The following ADAM20 variants were observed in gnomAD, a reference collection of about 807,000 sequenced individuals.
The protein encoded by ADAM20 is disintegrin and metalloproteinase domain-containing protein 20.
For synonymous variants in ADAM20, 305 were observed against 310.2 expected (o/e 0.98, Z 0.18); for missense variants, 871 against 883.2 (o/e 0.99, Z 0.18).
chr14:70,563,631 T>A, the ADAM20 span, among the ~76,000 whole-genome samples: 3 of 152,184 alleles, frequency 2.0e-5, 1 homozygote, highest in African/African-American at 7.2e-5. Context: ...CAGGATTGGA[T>A]GTCTTATGGC....
At chr14:70,532,182 G>T (rs1018691985) in intron 1 of ADAM20, among the ~76,000 whole-genome samples, 1 of 151,878 alleles carries the variant, frequency 6.6e-6, no homozygotes, top group Non-Finnish European at 1.5e-5. Context: ...ACCCAGACAT[G>T]TATGAATAAA....
At chr14:70,575,854 A>C in the ADAM20 span, among the ~76,000 whole-genome samples, 1 of 152,232 alleles carries the variant, frequency 6.6e-6, no homozygotes, top group Non-Finnish European at 1.5e-5. Context: ...TGCATTTCAA[A>C]ATGAGCCTTA....
the ADAM20 span, among the ~76,000 whole-genome samples, chr14:70,554,408 C>G: frequency 2.6e-5 from 4 of 152,194 alleles, no homozygotes; most frequent in African/African-American, 4.8e-5. Context: ...GAACTGAAAT[C>G]AGGATCTCAA....
At chr14:70,571,461 C>T in the ADAM20 span, among the ~76,000 whole-genome samples, 1 of 152,190 alleles carries the variant, frequency 6.6e-6, no homozygotes, top group African/African-American at 2.4e-5. Flanking sequence ...TTCCCTTATG[C>T]CATGATTGTA....
At chr14:70,571,897 AAATAAGT>A in the ADAM20 span, among the ~76,000 whole-genome samples, 1 of 152,100 alleles carries the variant, frequency 6.6e-6, no homozygotes, top group Admixed American at 6.6e-5. Flanking sequence ...CACACACAAA[AAATAAGT>A]AGGAATATGT....
chr14:70,531,475 A>G (rs550872336), intron 1 of ADAM20, among the ~76,000 whole-genome samples: 200 of 152,262 alleles, frequency 1.3e-3, no homozygotes, highest in Middle Eastern at 3.4e-3. Context: ...CATTTTATCC[A>G]CTTCTATAAA....
chr14:70,576,908 C>G, the ADAM20 span, among the ~76,000 whole-genome samples: 482 of 152,262 alleles, frequency 3.2e-3, 14 homozygotes, highest in East Asian at 0.055. Flanking sequence ...GATTCACAAC[C>G]CAGTGAGACC....
the ADAM20 span, among the ~76,000 whole-genome samples, chr14:70,544,480 C>T: frequency 6.6e-6 from 1 of 152,050 alleles, no homozygotes; most frequent in African/African-American, 2.4e-5. Context: ...TAAAGCAGTG[C>T]TTACATGGAA....
chr14:70,534,340 C>T (rs894001500), intron 1 of ADAM20, among the ~76,000 whole-genome samples: 2 of 151,988 alleles, frequency 1.3e-5, no homozygotes, highest in Non-Finnish European at 2.9e-5. Flanking sequence ...ACCATATGAT[C>T]TAGTAATCCC....
At chr14:70,530,809 AC>A (rs1368682195) in intron 1 of ADAM20, among the ~76,000 whole-genome samples, 2 of 152,148 alleles carry the variant, frequency 1.3e-5, no homozygotes, top group African/African-American at 4.8e-5. Flanking sequence ...AACACAGCAT[AC>A]CAAAACTTAT....
chr14:70,543,857 T>C, the ADAM20 span, among the ~76,000 whole-genome samples: 1 of 152,182 alleles, frequency 6.6e-6, no homozygotes, highest in African/African-American at 2.4e-5. Flanking sequence ...ACGGTCTAGA[T>C]TGACAGAGCA....
chr14:70,528,275 C>T (rs1012408654), intron 1 of ADAM20, among the ~76,000 whole-genome samples: 4 of 152,054 alleles, frequency 2.6e-5, no homozygotes, highest in African/African-American at 4.8e-5. Flanking sequence ...TCGCAGTGGG[C>T]GGGGGAGTTT....
the ADAM20 span, among the ~76,000 whole-genome samples, chr14:70,543,943 A>C: frequency 2.0e-5 from 3 of 152,214 alleles, no homozygotes; most frequent in East Asian, 1.9e-4. Context: ...TCCAAAGTGC[A>C]TCAGCCTAAT....
the ADAM20 span, among the ~76,000 whole-genome samples, chr14:70,577,036 T>C: frequency 2.0e-5 from 3 of 152,138 alleles, no homozygotes; most frequent in Non-Finnish European, 4.4e-5. Context: ...GAACAAGCAT[T>C]CAAACACATA....
At position 70,524,943 on chromosome 14, in the gene ADAM20, C is replaced by T; in HGVS notation, c.-176-10G>A. 6.4e-7 allele frequency: 1 copy of T among 1,550,916 alleles called. No homozygotes were observed. Among genetic ancestry groups the T allele is most frequent in the Non-Finnish European group, 8.7e-7 (1 of 1,149,620 alleles). On this transcript the variant is annotated splice_polypyrimidine_tract_variant and intron_variant, in intron 1 of 1. Coordinates refer to ENST00000256389, the MANE Select transcript of ADAM20 (RefSeq NM_003814.5). ...GTGCTGAAAATAAAAACTGAAAGAG[C>T]CAGGATGGGGTGGGTGGGATAGAAA...
chr14:70,527,392 ACTTTCT>A (rs1224030730), intron 1 of ADAM20, among the ~76,000 whole-genome samples: 3 of 152,074 alleles, frequency 2.0e-5, no homozygotes, highest in Non-Finnish European at 4.4e-5. Flanking sequence ...TTCCTTCATT[ACTTTCT>A]CTTTATTTCC....
At chr14:70,558,583 A>T in the ADAM20 span, among the ~76,000 whole-genome samples, 1 of 152,154 alleles carries the variant, frequency 6.6e-6, no homozygotes, top group Non-Finnish European at 1.5e-5. Flanking sequence ...GAAACAGATA[A>T]GAGTACAGAA....
chr14:70,553,886 T>A, the ADAM20 span, among the ~76,000 whole-genome samples: 1 of 152,180 alleles, frequency 6.6e-6, no homozygotes, highest in Admixed American at 6.5e-5. Flanking sequence ...ACGACAAGGA[T>A]GCCCACTGTC....
Position 70,522,460 on chromosome 14 carries a change from T to A in ADAM20, c.*117A>T. 1.9e-6 allele frequency: 2 copies of A among 1,064,776 alleles called. No individual in the cohort carries two copies. Among genetic ancestry groups the A allele is most frequent in the Non-Finnish European group, 2.6e-6 (2 of 759,110 alleles). The allele number at this position is 1,064,776 out of a possible 1,614,324, so 66.0% of individuals were successfully genotyped here. On this transcript the variant is annotated 3_prime_UTR_variant, in exon 2 of 2. Coordinates refer to ENST00000256389, the MANE Select transcript of ADAM20 (RefSeq NM_003814.5). ...ATAGCTAATGCTTGCAATCCTGACA[T>A]GAAATGTCCATGAAGTTTTATTTAA... is the stretch of plus-strand genomic sequence containing the variant.
Sources: allele counts gnomAD v4.1 joint callset (sites outside exome capture counted in the v4.1 genomes callset), GRCh38; gene constraint gnomAD v4.1.1; transcripts MANE v1.5; gene names NCBI Gene and HGNC (gene_info 2026-07-23, HGNC 2026-07-21).